The following GRM8 variants were observed in gnomAD, a reference collection of about 807,000 sequenced individuals.
The protein encoded by GRM8 is metabotropic glutamate receptor 8.
GRM8 carries 47 observed loss-of-function variants against 87.2 expected under a neutral mutation model. The ratio of observed to expected loss-of-function variants is 0.54; its 90% CI spans 0.43 to 0.69. The LOEUF (loss-of-function observed/expected upper bound fraction) is 0.69, where lower values mean the gene tolerates loss of function less well. Ranked by LOEUF, GRM8 falls within the 30% of genes least tolerant of loss-of-function variation. The probability of loss-of-function intolerance (pLI) is 0.00; values close to 1 mark genes in which losing one functional copy is unlikely to be tolerated. For synonymous variants in GRM8, 396 were observed against 404.5 expected (o/e 0.98, Z 0.25); for missense variants, 1,019 against 1,139.2 (o/e 0.89, Z 1.52).
At chr7:126,496,957 G>T (rs529663966) in intron 9 of GRM8, among the ~76,000 whole-genome samples, 1 of 138,818 alleles carries the variant, frequency 7.2e-6, no homozygotes, top group Non-Finnish European at 1.5e-5. Context: ...CATAATAAGA[G>T]AATGAGTTTT....
intron 3 of GRM8, among the ~76,000 whole-genome samples, chr7:126,951,533 T>TG (rs763072251): frequency 2.6e-4 from 40 of 152,136 alleles, no homozygotes; most frequent in Admixed American, 3.9e-4. Flanking sequence ...ACTGAAAGGA[T>TG]GGGGAATAGT....
intron 3 of GRM8, among the ~76,000 whole-genome samples, chr7:127,057,400 C>G (rs998650596): frequency 6.6e-6 from 1 of 152,004 alleles, no homozygotes. Flanking sequence ...ATTTATATAA[C>G]AACATTTGTT....
chr7:126,643,459 CAT>C (rs1563050244), intron 7 of GRM8, among the ~76,000 whole-genome samples: 2 of 148,448 alleles, frequency 1.3e-5, no homozygotes, highest in African/African-American at 5.0e-5. Flanking sequence ...AATATATACA[CAT>C]ATAATTAAAA....
chr7:126,857,033 T>G (rs573717729), intron 6 of GRM8, among the ~76,000 whole-genome samples: 12 of 152,334 alleles, frequency 7.9e-5, no homozygotes, highest in African/African-American at 2.6e-4. Context: ...ACATTTACTC[T>G]GTGGCAAAAG....
At chr7:126,584,458 C>T (rs2151021202) in intron 8 of GRM8, among the ~76,000 whole-genome samples, 1 of 152,266 alleles carries the variant, frequency 6.6e-6, no homozygotes, top group African/African-American at 2.4e-5. Context: ...CCTGTAATAT[C>T]TCTGAGGTAT....
At chr7:126,690,361 G>A (rs111597611) in intron 7 of GRM8, among the ~76,000 whole-genome samples, 15 of 152,168 alleles carry the variant, frequency 9.9e-5, no homozygotes, top group South Asian at 2.1e-4. Flanking sequence ...TGGCTGTGGC[G>A]GGGTGGGCAG....
chr7:127,212,902 A>G (rs563839197), intron 2 of GRM8, among the ~76,000 whole-genome samples: 7 of 152,288 alleles, frequency 4.6e-5, no homozygotes, highest in African/African-American at 1.7e-4. Flanking sequence ...CTTCTGGTCA[A>G]ATTTGCATGA....
intron 7 of GRM8, among the ~76,000 whole-genome samples, chr7:126,736,393 G>C (rs918736348): frequency 3.3e-5 from 5 of 151,970 alleles, no homozygotes; most frequent in Admixed American, 6.6e-5. Flanking sequence ...AACACAATCT[G>C]CTGAAACAAG....
At chr7:126,902,711 A>T in intron 5 of GRM8, 32 bp from the exon 6 acceptor site, 1 of 1,461,520 alleles carries the variant, frequency 6.8e-7, no homozygotes, top group South Asian at 1.3e-5. Context: ...TGATTTTAAT[A>T]TTCTTTCAAA....
Position 127,252,850 on chromosome 7 carries a change from A to T in GRM8, c.-365T>A, listed in dbSNP as rs766805280. The T allele has an allele frequency of 4.6e-6, 1 of 218,470 alleles. No individual in the cohort carries two copies. Among genetic ancestry groups the T allele is most frequent in the Non-Finnish European group, 8.7e-6 (1 of 114,616 alleles). 13.5% of individuals were successfully genotyped at this position (218,470 alleles called of 1,614,324 possible). Reference sequence around the variant, plus strand: ...AAGCCCGCCGGGGGCCCGCAGCTCCATGTCAGCGCCGCCGCCGCCGCCGCC... The same window carrying T: ...AAGCCCGCCGGGGGCCCGCAGCTCCTTGTCAGCGCCGCCGCCGCCGCCGCC... On this transcript the variant is annotated 5_prime_UTR_variant, in exon 1 of 11. An upstream start codon of the reference 5' UTR is lost. Coordinates refer to ENST00000339582, the MANE Select transcript of GRM8 (RefSeq NM_000845.3). The surrounding 1 kb of genome is among the most constrained non-coding windows in gnomAD (Gnocchi z 4.9).
At chr7:126,490,550 C>T (rs1807889454) in intron 9 of GRM8, among the ~76,000 whole-genome samples, 2 of 152,006 alleles carry the variant, frequency 1.3e-5, no homozygotes, top group South Asian at 4.1e-4. Context: ...TGCCAATGGA[C>T]AAACGTTCTA....
intron 2 of GRM8, among the ~76,000 whole-genome samples, chr7:127,140,454 C>T (rs1175628483): frequency 6.6e-6 from 1 of 152,148 alleles, no homozygotes; most frequent in East Asian, 1.9e-4. Context: ...TTCTACACTA[C>T]AATGTAACTA....
chr7:127,158,446 C>T (rs1792874095), intron 2 of GRM8, among the ~76,000 whole-genome samples: 2 of 152,176 alleles, frequency 1.3e-5, no homozygotes, highest in African/African-American at 2.4e-5. Context: ...TGTCTTCAAT[C>T]ATTACTGCCG....
chr7:126,758,382 T>C (rs2214159), intron 7 of GRM8, among the ~76,000 whole-genome samples: 59,412 of 151,972 alleles, frequency 0.39, 12,821 homozygotes, highest in Non-Finnish European at 0.48. Context: ...ATAAATAACT[T>C]ATCCAAGATC....
chr7:126,795,016 A>C (rs1821801621), intron 6 of GRM8, among the ~76,000 whole-genome samples: 1 of 152,228 alleles, frequency 6.6e-6, no homozygotes, highest in Admixed American at 6.5e-5. Flanking sequence ...AAAATACAGA[A>C]GGTATTTCTT....
intron 9 of GRM8, among the ~76,000 whole-genome samples, chr7:126,505,064 T>C (rs965984585): frequency 3.3e-5 from 5 of 152,132 alleles, no homozygotes; most frequent in Middle Eastern, 3.4e-3. Context: ...CAAAGTGGAA[T>C]AGTGAACAGA....
At chr7:126,822,621 A>T (rs1453071082) in intron 6 of GRM8, among the ~76,000 whole-genome samples, 2 of 151,280 alleles carry the variant, frequency 1.3e-5, no homozygotes, top group Non-Finnish European at 1.5e-5. Flanking sequence ...TGCAGTGTCT[A>T]TTCACAGGCA....
intron 7 of GRM8, among the ~76,000 whole-genome samples, chr7:126,701,064 T>TAA (rs1487970853): frequency 3.9e-5 from 6 of 152,052 alleles, no homozygotes; most frequent in Non-Finnish European, 7.4e-5. Context: ...TATATATATA[T>TAA]AACCAATAAT....
At chr7:126,826,068 G>T (rs908018695) in intron 6 of GRM8, among the ~76,000 whole-genome samples, 2 of 152,088 alleles carry the variant, frequency 1.3e-5, no homozygotes, top group African/African-American at 4.8e-5. Context: ...TTTTATGGCT[G>T]CATAGTGTTC....
Sources: allele counts gnomAD v4.1 joint callset (sites outside exome capture counted in the v4.1 genomes callset), GRCh38; gene constraint gnomAD v4.1.1; non-coding constraint Gnocchi (gnomAD v3.1); transcripts MANE v1.5; gene names NCBI Gene and HGNC (gene_info 2026-07-23, HGNC 2026-07-21).